Variants in TRPM3 observed in about 807,000 individuals in gnomAD.
The protein encoded by TRPM3 is long transient receptor potential channel 3.
Under a neutral mutation model 181.2 loss-of-function variants are expected in TRPM3, and 77 were observed. The ratio of observed to expected loss-of-function variants is 0.42; its 90% CI spans 0.35 to 0.51. TRPM3 has a LOEUF of 0.51. TRPM3 is among the 20% of genes least tolerant of loss of function. The pLI is 0.01. For missense variants in TRPM3, 1,759 were observed against 2,196.7 expected, an observed-to-expected ratio of 0.80 and a Z score of 3.98; for synonymous variants, 745 against 796.4, an observed-to-expected ratio of 0.94 and a Z score of 1.09.
At chr9:71,337,379 C>T (rs777737509) in intron 1 of TRPM3, among the ~76,000 whole-genome samples, 6 of 152,158 alleles carry the variant, frequency 3.9e-5, no homozygotes, top group Non-Finnish European at 8.8e-5. Flanking sequence ...CAATGAGATA[C>T]CATCTCATGC....
chr9:71,200,256 G>C (rs993580433), intron 1 of TRPM3, among the ~76,000 whole-genome samples: 4 of 151,780 alleles, frequency 2.6e-5, no homozygotes, highest in African/African-American at 9.7e-5. Context: ...TATAATTTCT[G>C]TTCTTTTACA....
chr9:71,275,302 TACCA>T (rs2084111863), intron 1 of TRPM3, among the ~76,000 whole-genome samples: 1 of 152,220 alleles, frequency 6.6e-6, no homozygotes, highest in Admixed American at 6.5e-5. Flanking sequence ...AATTTTTTTC[TACCA>T]GTTACAATAG....
chr9:71,121,329 T>C lies in TRPM3; in HGVS notation c.26A>G (p.Tyr9Cys). The change falls in exon 1 of 26, where the codon TAT becomes TGT. Residue 9 changes from tyrosine to cysteine, a missense_variant. Tyr to Cys is a radical substitution (Grantham distance 194). Transcript: ENST00000677713. The stretch of plus-strand genomic sequence containing the variant: ...GAAAACCTGAGCAATGCCTAGAAAA[T>C]AAACGGTCCCCCACGGCTCTGGCAT... MPEPWGTV[Y>C]FLGIAQVFSF... The C allele has an allele frequency of 6.2e-7, 1 of 1,613,580 alleles. No homozygotes were observed. Among genetic ancestry groups the C allele is most frequent in the Non-Finnish European group, 8.5e-7 (1 of 1,179,912 alleles).
At chr9:70,666,819 G>GT (rs987562807) in intron 9 of TRPM3, among the ~76,000 whole-genome samples, 1 of 135,856 alleles carries the variant, frequency 7.4e-6, no homozygotes, top group African/African-American at 3.0e-5. Flanking sequence ...TTATTGCATT[G>GT]TTTTTTTATC....
At chr9:70,697,313 A>T (rs755211791) in intron 8 of TRPM3, among the ~76,000 whole-genome samples, 2 of 152,326 alleles carry the variant, frequency 1.3e-5, no homozygotes, top group Admixed American at 1.3e-4. Context: ...CTTATTTTGA[A>T]AAGTGTTCTA....
intron 1 of TRPM3, among the ~76,000 whole-genome samples, chr9:70,928,662 A>T (rs1291254504): frequency 6.6e-6 from 1 of 152,202 alleles, no homozygotes; most frequent in Non-Finnish European, 1.5e-5. Flanking sequence ...AAGAAACATC[A>T]TGACCAACCT....
chr9:71,004,404 C>T (rs574379161), intron 1 of TRPM3, among the ~76,000 whole-genome samples: 78 of 152,360 alleles, frequency 5.1e-4, no homozygotes, highest in Middle Eastern at 3.4e-3. Context: ...CATTCCAATG[C>T]TCACTGTAAG....
At chr9:71,024,987 CT>C (rs1230069448) in intron 1 of TRPM3, among the ~76,000 whole-genome samples, 1 of 152,196 alleles carries the variant, frequency 6.6e-6, no homozygotes, top group East Asian at 1.9e-4. Context: ...GAGAGGGAAA[CT>C]GGTTCACCAA....
intron 6 of TRPM3, among the ~76,000 whole-genome samples, chr9:70,818,266 C>T (rs562589815): frequency 6.6e-6 from 1 of 152,274 alleles, no homozygotes; most frequent in Admixed American, 6.5e-5. Context: ...TTCATTCACT[C>T]AAGATTTATA....
At chr9:71,306,004 C>G (rs934012034) in intron 1 of TRPM3, among the ~76,000 whole-genome samples, 1 of 152,112 alleles carries the variant, frequency 6.6e-6, no homozygotes, top group African/African-American at 2.4e-5. Context: ...TTCCCATTCT[C>G]TATTTCACAT....
intron 1 of TRPM3, among the ~76,000 whole-genome samples, chr9:71,017,252 G>A (rs1338181394): frequency 1.3e-5 from 2 of 151,926 alleles, no homozygotes; most frequent in African/African-American, 2.4e-5. Context: ...TTAAATAAAA[G>A]AGGGCAAGAA....
At chr9:70,847,707 C>T (rs1393215785) in intron 3 of TRPM3, among the ~76,000 whole-genome samples, 1 of 152,112 alleles carries the variant, frequency 6.6e-6, no homozygotes, top group Non-Finnish European at 1.5e-5. Flanking sequence ...GAAAACTTGC[C>T]TACCTCAACC....
intron 1 of TRPM3, among the ~76,000 whole-genome samples, chr9:71,171,456 C>A (rs978656666): frequency 5.9e-5 from 9 of 152,240 alleles, no homozygotes; most frequent in South Asian, 2.1e-4. Context: ...TTTAAAATTT[C>A]TCTCTTTTGT....
intron 22 of TRPM3, among the ~76,000 whole-genome samples, chr9:70,574,092 G>A (rs55900374): frequency 0.27 from 32,119 of 119,054 alleles, 3,850 homozygotes; most frequent in African/African-American, 0.37. Context: ...ACACGCGCGC[G>A]CACACACACA....
At chr9:71,187,902 G>A (rs915948896) in intron 1 of TRPM3, among the ~76,000 whole-genome samples, 7 of 82,646 alleles carry the variant, frequency 8.5e-5, no homozygotes, top group East Asian at 3.5e-4. Flanking sequence ...TAGATAGATA[G>A]ATAGATAGAT....
rs564108380 is a variant in TRPM3 at position 70,867,759 on chromosome 9, G to A, written c.178-3248C>T. On this transcript the variant is annotated intron_variant, in intron 1 of 25. Coordinates refer to ENST00000677713, the MANE Select transcript of TRPM3 (RefSeq NM_001366145.2). The stretch of plus-strand genomic sequence containing the variant: ...ATCATGCATAATTACTATATTGTGA[G>A]CTTCGCTTTATCATGCTTTTATTCA... 2.1e-3 allele frequency among the ~76,000 whole-genome samples: 319 copies of A among 152,146 alleles called. 4 individuals carry two copies. Among genetic ancestry groups the A allele is most frequent in the African/African-American group, 7.3e-3 (303 of 41,552 alleles).
chr9:71,212,209 C>A (rs375077556), intron 1 of TRPM3, among the ~76,000 whole-genome samples: 1 of 152,142 alleles, frequency 6.6e-6, no homozygotes, highest in African/African-American at 2.4e-5. Context: ...CTCAACCTCC[C>A]GGGCTCAAGC....
intron 1 of TRPM3, among the ~76,000 whole-genome samples, chr9:70,965,995 C>T (rs1466171105): frequency 6.8e-6 from 1 of 147,112 alleles, no homozygotes; most frequent in African/African-American, 2.5e-5. Context: ...ATGCATCTGA[C>T]AAAGGTCTAA....
chr9:71,292,308 A>G (rs1479395548), intron 1 of TRPM3, among the ~76,000 whole-genome samples: 1 of 152,016 alleles, frequency 6.6e-6, no homozygotes, highest in Non-Finnish European at 1.5e-5. Context: ...GAAAAAAATA[A>G]CAATCAAAAG....
Sources: gnomAD v4.1 joint callset for allele counts (sites outside exome capture counted in the v4.1 genomes callset) on GRCh38, gnomAD v4.1.1 for gene constraint, MANE v1.5 for transcripts, NCBI Gene and HGNC (gene_info 2026-07-23, HGNC 2026-07-21) for gene names.